The following TAOK1 variants were observed in gnomAD, a reference collection of about 807,000 sequenced individuals.
TAOK1 encodes the protein TAO kinase 1, also known as serine/threonine-protein kinase TAO1.
Under a neutral mutation model 138.3 loss-of-function variants are expected in TAOK1, and 21 were observed. That is an observed-to-expected ratio of 0.15 (90% CI 0.11 to 0.22). The LOEUF is 0.22. Ranked by LOEUF, TAOK1 falls within the 10% of genes least tolerant of loss-of-function variation. The pLI, the probability that TAOK1 is intolerant of heterozygous loss-of-function variation, is 1.00. For synonymous variants in TAOK1, 361 were observed against 398.4 expected (o/e 0.91, Z 1.12); for missense variants, 651 against 1,227.7 (o/e 0.53, Z 7.02).
chr17:29,448,534 A>G (rs536527821), intron 1 of TAOK1, among the ~76,000 whole-genome samples: 5 of 151,872 alleles, frequency 3.3e-5, no homozygotes, highest in Admixed American at 2.6e-4. Flanking sequence ...TTGTTTTAGT[A>G]TTTTACTCTT....
intron 1 of TAOK1, among the ~76,000 whole-genome samples, chr17:29,425,104 C>CT (rs1175878525): frequency 1.3e-5 from 2 of 152,176 alleles, no homozygotes; most frequent in Non-Finnish European, 2.9e-5. Context: ...GAATCTCACT[C>CT]TGTCTCCCAG....
chr17:29,391,062 G>C (rs1457023317), intron 1 of TAOK1, 38 bp downstream of exon 1: 1 of 152,592 alleles, frequency 6.6e-6, no homozygotes, highest in East Asian at 1.9e-4. Context: ...GGGATATAGA[G>C]GGGGGCGGGG....
chr17:29,456,808 A>C (rs2030388812), intron 2 of TAOK1, among the ~76,000 whole-genome samples: 1 of 150,232 alleles, frequency 6.7e-6, no homozygotes, highest in Non-Finnish European at 1.5e-5. Flanking sequence ...ATCTCAGCTC[A>C]CTGCAAGTTC....
intron 17 of TAOK1, among the ~76,000 whole-genome samples, chr17:29,523,847 G>A (rs1325758660): frequency 6.6e-6 from 1 of 152,076 alleles, no homozygotes; most frequent in Non-Finnish European, 1.5e-5. Flanking sequence ...CTCCTACCCA[G>A]CCCTTTTTAT....
chr17:29,533,518 G>A (rs534244658), intron 18 of TAOK1, among the ~76,000 whole-genome samples: 5,597 of 150,578 alleles, frequency 0.037, 355 homozygotes, highest in African/African-American at 0.13. Flanking sequence ...GTAGCGAGCC[G>A]AGATCACCCC....
rs71138832 is a variant in TAOK1, at chr17:29,534,928, GGTGTGT to G, written c.2544+659_2544+664del. ...AAATTTCCATCCTTCAGGATACTAA[GGTGTGT>G]GTGTGTGTGTGTGTGTGTGTGTGTG... On this transcript the variant is annotated intron_variant, in intron 19 of 19. Transcript: ENST00000261716. Among the ~76,000 whole-genome samples, 512 of 147,306 alleles carry G rather than the reference GGTGTGT, an allele frequency of 3.5e-3. 3 individuals are homozygous for G. The highest frequency in any genetic ancestry group is 0.017 in the Middle Eastern group (5 of 286).
intron 1 of TAOK1, among the ~76,000 whole-genome samples, chr17:29,397,627 T>TATATGTATATTCATGTATG (rs1904664241): frequency 2.2e-5 from 1 of 44,746 alleles, no homozygotes; most frequent in African/African-American, 1.4e-4. Flanking sequence ...TATATATATA[T>TATATGTATATTCATGTATG]ATACATGTAT....
intron 19 of TAOK1, among the ~76,000 whole-genome samples, chr17:29,538,995 C>T (rs1432821479): frequency 1.3e-5 from 2 of 152,068 alleles, no homozygotes; most frequent in African/African-American, 4.8e-5. Context: ...CAGTGGCTTA[C>T]ACTGTAATCC....
At chr17:29,395,264 C>T (rs2153019493) in intron 1 of TAOK1, among the ~76,000 whole-genome samples, 1 of 152,128 alleles carries the variant, frequency 6.6e-6, no homozygotes, top group Admixed American at 6.6e-5. Context: ...TGTGTGGTGG[C>T]TCAAGCCTGT....
chr17:29,487,182 G>A (rs1598502486), intron 8 of TAOK1, among the ~76,000 whole-genome samples: 1 of 146,566 alleles, frequency 6.8e-6, no homozygotes, highest in East Asian at 2.1e-4. Flanking sequence ...GGAGGCACAG[G>A]TTGCAGTGAG....
intron 8 of TAOK1, among the ~76,000 whole-genome samples, chr17:29,486,150 A>T (rs1340137634): frequency 2.6e-5 from 4 of 151,898 alleles, no homozygotes; most frequent in Non-Finnish European, 5.9e-5. Flanking sequence ...TTAATTTGGC[A>T]TGGTGACATG....
chr17:29,459,536 C>T (rs2030481795), intron 2 of TAOK1, among the ~76,000 whole-genome samples: 1 of 152,148 alleles, frequency 6.6e-6, no homozygotes, highest in African/African-American at 2.4e-5. Context: ...ATCCACCTGC[C>T]TCAGCCTCCC....
intron 15 of TAOK1, among the ~76,000 whole-genome samples, chr17:29,515,159 T>C (rs1346061538): frequency 6.6e-6 from 1 of 152,180 alleles, no homozygotes; most frequent in East Asian, 1.9e-4. Flanking sequence ...CAGTGGTTAT[T>C]AATGCTGAAA....
chr17:29,495,074 T>C (rs2031386967), intron 10 of TAOK1, among the ~76,000 whole-genome samples: 1 of 152,210 alleles, frequency 6.6e-6, no homozygotes, highest in Non-Finnish European at 1.5e-5. Context: ...AATAATTTAA[T>C]GGCTTTTAGT....
intron 7 of TAOK1, among the ~76,000 whole-genome samples, chr17:29,481,124 A>G (rs901353326): frequency 6.6e-6 from 1 of 152,106 alleles, no homozygotes; most frequent in Non-Finnish European, 1.5e-5. Flanking sequence ...ACATGAGCTT[A>G]TAACTTCAAG....
At position 29,548,293 on chromosome 17, in the gene TAOK1, A is replaced by T. The variant is rs546728721; in HGVS notation, c.*5271A>T. ...GCACTTCCTACCCACCCAAAGATAG[A>T]TATCCTTTAAAGAAAATAAAGGCAG... On this transcript the variant is annotated 3_prime_UTR_variant, in exon 20 of 20. Transcript: ENST00000261716. The T allele has an allele frequency of 1.3e-4, 20 of 152,256 alleles. No individual in the cohort carries two copies. Among genetic ancestry groups the T allele is most frequent in the African/African-American group, 4.8e-4 (20 of 41,574 alleles). The allele number at this position is 152,256 out of a possible 1,614,324, so 9.4% of individuals were successfully genotyped here.
intron 17 of TAOK1, 23 bp from the exon 18 acceptor site, chr17:29,530,384 A>G (rs2032081475): frequency 4.4e-6 from 7 of 1,602,694 alleles, no homozygotes; most frequent in Non-Finnish European, 6.0e-6. Flanking sequence ...AACTTACATA[A>G]ATGTATTTTT....
At chr17:29,430,016 A>C (rs1396717942) in intron 1 of TAOK1, among the ~76,000 whole-genome samples, 1 of 152,174 alleles carries the variant, frequency 6.6e-6, no homozygotes, top group East Asian at 1.9e-4. Flanking sequence ...GAATTTTGGG[A>C]AAAATCACAA....
chr17:29,501,724 A>G (rs1264121895), intron 12 of TAOK1, among the ~76,000 whole-genome samples: 4 of 151,766 alleles, frequency 2.6e-5, no homozygotes, highest in East Asian at 1.9e-4. Context: ...TCAATTTTGC[A>G]TATAATCGGT....
Sources: gnomAD v4.1 joint callset for allele counts (sites outside exome capture counted in the v4.1 genomes callset) on GRCh38, gnomAD v4.1.1 for gene constraint, MANE v1.5 for transcripts, NCBI Gene and HGNC (gene_info 2026-07-23, HGNC 2026-07-21) for gene names.